FANCL: variants seen among roughly 807,000 people sequenced by gnomAD.
The protein encoded by FANCL is FA complementation group L.
Under a neutral mutation model 59.4 loss-of-function variants are expected in FANCL, and 69 were observed. That is an observed-to-expected ratio of 1.16 (90% CI 0.96 to 1.42). The LOEUF is 1.42. Ranked by LOEUF, FANCL falls within the 40% of genes most tolerant of loss-of-function variation. The pLI is 0.00. For missense variants in FANCL, 519 were observed against 447.2 expected (o/e 1.16, Z -1.45); for synonymous variants, 180 against 147.1 (o/e 1.22, Z -1.62).
chr2:58,176,200 C>T (rs1191103836), intron 7 of FANCL, among the ~76,000 whole-genome samples: 2 of 152,204 alleles, frequency 1.3e-5, no homozygotes, highest in Admixed American at 6.5e-5. Flanking sequence ...AATGGCCACA[C>T]TGCCCAACGT....
intron 7 of FANCL, among the ~76,000 whole-genome samples, chr2:58,184,962 C>T (rs1305959215): frequency 1.3e-5 from 2 of 152,120 alleles, no homozygotes; most frequent in Non-Finnish European, 2.9e-5. Context: ...CAACCCACCA[C>T]AGACTTTAAA....
chr2:58,170,470 T>C (rs967654084), intron 7 of FANCL, among the ~76,000 whole-genome samples: 1 of 151,720 alleles, frequency 6.6e-6, no homozygotes, highest in South Asian at 2.1e-4. Context: ...ATGAAGAAAC[T>C]GCATCAACTA....
chr2:58,200,005 A>C (rs1689834917), intron 6 of FANCL, among the ~76,000 whole-genome samples: 2 of 151,950 alleles, frequency 1.3e-5, no homozygotes, highest in African/African-American at 4.8e-5. Context: ...TACTATCAAT[A>C]TACACTCTGA....
chr2:58,227,835 G>T (rs1047945516), intron 3 of FANCL, among the ~76,000 whole-genome samples: 1 of 151,942 alleles, frequency 6.6e-6, no homozygotes. Context: ...CTTCCCTGCC[G>T]CCCTTCTGTA....
chr2:58,197,573 A>C (rs1395376711), intron 7 of FANCL, among the ~76,000 whole-genome samples: 2 of 152,192 alleles, frequency 1.3e-5, no homozygotes, highest in Non-Finnish European at 1.5e-5. Flanking sequence ...ACCGATAATC[A>C]TACCACCTTA....
At chr2:58,219,382 T>A (rs1558810643) in intron 5 of FANCL, among the ~76,000 whole-genome samples, 1 of 150,932 alleles carries the variant, frequency 6.6e-6, no homozygotes, top group Non-Finnish European at 1.5e-5. Flanking sequence ...AACAAATAAA[T>A]GAGAGGGAAC....
chr2:58,226,887 G>C, intron 3 of FANCL, 103 bp from the exon 4 acceptor site: 3 of 916,264 alleles, frequency 3.3e-6, no homozygotes, highest in South Asian at 1.5e-5. Context: ...AAAAAGATTA[G>C]CTATATCTAC....
chr2:58,238,859 G>T (rs1694258989), intron 1 of FANCL, among the ~76,000 whole-genome samples: 1 of 152,066 alleles, frequency 6.6e-6, no homozygotes, highest in Admixed American at 6.5e-5. Context: ...GCATCTATAG[G>T]ATACTTTTAA....
chr2:58,165,361 C>T (rs1212584054), intron 8 of FANCL, among the ~76,000 whole-genome samples: 1 of 152,166 alleles, frequency 6.6e-6, no homozygotes, highest in Non-Finnish European at 1.5e-5. Context: ...GCACACTAAT[C>T]TGAGAAGATT....
intron 6 of FANCL, among the ~76,000 whole-genome samples, chr2:58,201,702 T>C (rs894950248): frequency 1.3e-5 from 2 of 152,108 alleles, no homozygotes; most frequent in Middle Eastern, 3.4e-3. Context: ...AATATACCTA[T>C]AAAAACCAAA....
intron 6 of FANCL, among the ~76,000 whole-genome samples, chr2:58,202,528 TTTC>T (rs1690145557): frequency 6.6e-6 from 1 of 151,874 alleles, no homozygotes; most frequent in Non-Finnish European, 1.5e-5. Flanking sequence ...CAGTTTTTTT[TTTC>T]TTTTTTTGCC....
intron 7 of FANCL, among the ~76,000 whole-genome samples, chr2:58,183,028 A>G (rs995863789): frequency 2.0e-5 from 3 of 151,850 alleles, no homozygotes; most frequent in Non-Finnish European, 2.9e-5. Context: ...TTCTTAGAAG[A>G]GAGTAAATGT....
intron 7 of FANCL, among the ~76,000 whole-genome samples, chr2:58,179,535 C>T (rs1687711347): frequency 6.6e-6 from 1 of 152,102 alleles, no homozygotes; most frequent in Admixed American, 6.6e-5. Context: ...TAGCCATATG[C>T]AGAAAACTCA....
intron 5 of FANCL, among the ~76,000 whole-genome samples, chr2:58,208,963 C>G (rs1238444458): frequency 1.3e-5 from 2 of 152,164 alleles, no homozygotes; most frequent in East Asian, 3.8e-4. Flanking sequence ...CACTGATCTA[C>G]TCCAAAGTCA....
chr2:58,211,277 G>T (rs1374649098), intron 5 of FANCL, among the ~76,000 whole-genome samples: 1 of 152,196 alleles, frequency 6.6e-6, no homozygotes, highest in Non-Finnish European at 1.5e-5. Flanking sequence ...AGCTGCCAAG[G>T]CTTGGGGTTT....
chr2:58,204,558 C>T (rs1235112023), intron 5 of FANCL, among the ~76,000 whole-genome samples: 1 of 152,054 alleles, frequency 6.6e-6, no homozygotes, highest in Non-Finnish European at 1.5e-5. Context: ...CTTATGTACA[C>T]ATTAAACTTC....
intron 8 of FANCL, among the ~76,000 whole-genome samples, chr2:58,164,149 A>C (rs1685621808): frequency 6.6e-6 from 1 of 152,038 alleles, no homozygotes; most frequent in Non-Finnish European, 1.5e-5. Context: ...AGGTTCTTTT[A>C]TACATTTTAA....
chr2:58,219,159 AAAAAAAAAAAAAATATATATATATATAT>A (rs1277221240), intron 5 of FANCL, among the ~76,000 whole-genome samples: 1 of 93,690 alleles, frequency 1.1e-5, no homozygotes, highest in African/African-American at 6.2e-5. Flanking sequence ...AAAAAAAAAA[AAAAAAAAAAAAAATATATATATATATAT>A]ATATATATAT....
At chr2:58,160,466 C>T (rs1684981225) in intron 12 of FANCL, among the ~76,000 whole-genome samples, 1 of 151,888 alleles carries the variant, frequency 6.6e-6, no homozygotes, top group South Asian at 2.1e-4. Flanking sequence ...TTCTTTATCC[C>T]CAGAATAGAC....
Sources: allele counts gnomAD v4.1 joint callset (sites outside exome capture counted in the v4.1 genomes callset), GRCh38; gene constraint gnomAD v4.1.1; transcripts MANE v1.5; gene names NCBI Gene and HGNC (gene_info 2026-07-23, HGNC 2026-07-21).